Variants in INTS7 observed in about 807,000 individuals in gnomAD.
INTS7 encodes integrator complex subunit 7.
In INTS7, 46 loss-of-function variants were observed where a neutral mutation model predicts 109.2. That is an observed-to-expected ratio of 0.42 (90% confidence interval 0.33 to 0.54). The LOEUF is 0.54. Among genes scored for constraint, INTS7 ranks in the 20% least tolerant of loss-of-function variants. The pLI, the probability that INTS7 is intolerant of heterozygous loss-of-function variation, is 0.07. For synonymous variants in INTS7, 412 were observed against 402.9 expected, an observed-to-expected ratio of 1.02 and a Z score of -0.27; for missense variants, 929 against 1,132.4, an observed-to-expected ratio of 0.82 and a Z score of 2.58.
At chr1:211,997,954 A>AGTT (rs1665484946) in intron 7 of INTS7, among the ~76,000 whole-genome samples, 1 of 151,960 alleles carries the variant, frequency 6.6e-6, no homozygotes, top group Non-Finnish European at 1.5e-5. Flanking sequence ...AAGACCAACA[A>AGTT]AAATCCCAGC....
intron 6 of INTS7, 23 bp from the exon 7 acceptor site, chr1:212,006,784 C>T (rs1042089442): frequency 3.8e-6 from 6 of 1,569,910 alleles, no homozygotes; most frequent in Non-Finnish European, 5.2e-6. Flanking sequence ...TAAGTCACTC[C>T]ATAAACAATA....
intron 7 of INTS7, among the ~76,000 whole-genome samples, chr1:212,005,990 G>C (rs774755161): frequency 1.3e-5 from 2 of 152,134 alleles, no homozygotes; most frequent in African/African-American, 2.4e-5. Context: ...CTGGAGTCAT[G>C]ATGAAGCTGA....
At chr1:212,001,914 A>G (rs1411377752) in intron 7 of INTS7, among the ~76,000 whole-genome samples, 1 of 152,228 alleles carries the variant, frequency 6.6e-6, no homozygotes, top group Non-Finnish European at 1.5e-5. Context: ...TGAGTCATCC[A>G]GTCTCATGGC....
chr1:211,978,022 C>G (rs1228902492), intron 11 of INTS7, among the ~76,000 whole-genome samples: 1 of 152,040 alleles, frequency 6.6e-6, no homozygotes, highest in Non-Finnish European at 1.5e-5. Context: ...GCTGATTTGA[C>G]AGGGTTTCGG....
chr1:211,999,358 A>G (rs1386581331), intron 7 of INTS7, among the ~76,000 whole-genome samples: 1 of 152,246 alleles, frequency 6.6e-6, no homozygotes, highest in African/African-American at 2.4e-5. Flanking sequence ...GAAAGAAGCC[A>G]TATCCAAAAG....
chr1:212,023,483 C>T (rs892588471), intron 1 of INTS7, among the ~76,000 whole-genome samples: 2 of 152,122 alleles, frequency 1.3e-5, no homozygotes, highest in African/African-American at 4.8e-5. Flanking sequence ...TTTTAATTTA[C>T]ATTTCTCTGA....
At chr1:211,986,978 G>A (rs1422494855) in intron 8 of INTS7, among the ~76,000 whole-genome samples, 1 of 152,168 alleles carries the variant, frequency 6.6e-6, no homozygotes, top group African/African-American at 2.4e-5. Context: ...GGAAGCAATA[G>A]AGGTTCCGCA....
Position 211,982,719 on chromosome 1 carries a change from T to C in INTS7, c.1089A>G (p.Gly363=), listed in dbSNP as rs758523110. The change falls in exon 9 of 20, where the codon GGA becomes GGG. Residue 363 remains glycine (G), a synonymous_variant. Coordinates refer to ENST00000366994, the MANE Select transcript of INTS7 (RefSeq NM_015434.4). ...CAGTTATATTAGTTAGGACTCTAAC[T>C]CCATGAGCTGCAATGCCCCTGTTAT... is the stretch of plus-strand genomic sequence containing the variant. The part of the protein sequence containing the change: ...YHNNRGIAAH[G]VRVLTNITVS... The C allele has an allele frequency of 6.2e-7, 1 of 1,612,302 alleles. No homozygotes were observed. The highest frequency in any genetic ancestry group is 1.7e-5 in the Admixed American group (1 of 59,972).
At chr1:212,015,885 A>C (rs983135360) in intron 4 of INTS7, among the ~76,000 whole-genome samples, 2 of 152,026 alleles carry the variant, frequency 1.3e-5, no homozygotes, top group African/African-American at 4.8e-5. Flanking sequence ...TTTGATATAT[A>C]TCCTTCTAGT....
At chr1:211,964,783 C>T (rs1326764555) in intron 16 of INTS7, among the ~76,000 whole-genome samples, 1 of 152,184 alleles carries the variant, frequency 6.6e-6, no homozygotes, top group Non-Finnish European at 1.5e-5. Context: ...AAGATGGAAA[C>T]TGGACCCCTT....
At chr1:212,020,628 A>G in intron 2 of INTS7, 1 of 413,872 alleles carries the variant, frequency 2.4e-6, no homozygotes. Context: ...TATTGTGTGC[A>G]TATGAGCACG....
At chr1:211,944,998 A>G in intron 18 of INTS7, 29 bp from the exon 19 acceptor site, 1 of 1,606,526 alleles carries the variant, frequency 6.2e-7, no homozygotes, top group East Asian at 2.2e-5. Flanking sequence ...AATAAATGCC[A>G]ACAACCAAGA....
chr1:211,989,865 T>TA (rs1330417761), intron 7 of INTS7, among the ~76,000 whole-genome samples: 1 of 150,286 alleles, frequency 6.7e-6, no homozygotes, highest in African/African-American at 2.4e-5. Flanking sequence ...AAAAACTCAA[T>TA]AAAAATTTGG....
At chr1:211,997,528 G>GAAA (rs71137714) in intron 7 of INTS7, among the ~76,000 whole-genome samples, 28 of 58,946 alleles carry the variant, frequency 4.8e-4, no homozygotes, top group Non-Finnish European at 6.2e-4. Flanking sequence ...TCTCCAAACA[G>GAAA]AAAAAAAAAA....
At chr1:212,033,867 G>A (rs1011045358) in intron 1 of INTS7, among the ~76,000 whole-genome samples, 2 of 152,174 alleles carry the variant, frequency 1.3e-5, no homozygotes, top group Non-Finnish European at 1.5e-5. Flanking sequence ...CGGATCACCT[G>A]AGGTCAGGAG....
At chr1:211,988,780 T>C (rs1244062395) in intron 7 of INTS7, among the ~76,000 whole-genome samples, 1 of 152,208 alleles carries the variant, frequency 6.6e-6, no homozygotes, top group Non-Finnish European at 1.5e-5. Flanking sequence ...TGTGTAATTT[T>C]TAAAAATAAC....
At chr1:211,970,454 A>T (rs768683871) in intron 13 of INTS7, among the ~76,000 whole-genome samples, 1 of 152,202 alleles carries the variant, frequency 6.6e-6, no homozygotes, top group Non-Finnish European at 1.5e-5. Context: ...CTTAGATACT[A>T]TCTCACATTA....
At chr1:211,961,541 T>A (rs1663633848) in intron 16 of INTS7, among the ~76,000 whole-genome samples, 1 of 151,984 alleles carries the variant, frequency 6.6e-6, no homozygotes, top group South Asian at 2.1e-4. Flanking sequence ...GAGATTCTCC[T>A]GCCTCAGCCT....
intron 11 of INTS7, among the ~76,000 whole-genome samples, chr1:211,977,208 GGGA>G (rs1474816040): frequency 6.6e-6 from 1 of 152,212 alleles, no homozygotes; most frequent in East Asian, 1.9e-4. Context: ...CCTGAGAGAA[GGGA>G]GGAGATGCTA....
Sources: allele counts gnomAD v4.1 joint callset (sites outside exome capture counted in the v4.1 genomes callset), GRCh38; gene constraint gnomAD v4.1.1; transcripts MANE v1.5; gene names NCBI Gene and HGNC (gene_info 2026-07-23, HGNC 2026-07-21).